NDUFAF6: variants seen among roughly 807,000 people sequenced by gnomAD.
NDUFAF6 encodes the protein NADH:ubiquinone oxidoreductase complex assembly factor 6.
Under a neutral mutation model 40.8 loss-of-function variants are expected in NDUFAF6, and 45 were observed. The observed-to-expected ratio is 1.10, with a 90% CI of 0.87 to 1.42. The LOEUF (loss-of-function observed/expected upper bound fraction) is 1.42, where lower values mean the gene tolerates loss of function less well. NDUFAF6 is among the 40% of genes most tolerant of loss of function. The pLI, the probability that NDUFAF6 is intolerant of heterozygous loss-of-function variation, is 0.00. For synonymous variants in NDUFAF6, 185 were observed against 155.9 expected (o/e 1.19, Z -1.39); for missense variants, 435 against 418.5 (o/e 1.04, Z -0.34).
intron 2 of NDUFAF6, among the ~76,000 whole-genome samples, chr8:94,948,987 C>G (rs1183005674): frequency 6.7e-6 from 1 of 150,054 alleles, no homozygotes; most frequent in East Asian, 2.0e-4. Flanking sequence ...CCGGGCCCGG[C>G]GGCGGCGAGG....
intron 2 of NDUFAF6, among the ~76,000 whole-genome samples, chr8:95,033,155 A>T (rs556973353): frequency 6.6e-6 from 1 of 151,968 alleles, no homozygotes; most frequent in Non-Finnish European, 1.5e-5. Context: ...CAATCCTCCC[A>T]CCTCAGCCTC....
At chr8:95,033,332 C>T (rs184396344) in intron 2 of NDUFAF6, among the ~76,000 whole-genome samples, 47 of 152,318 alleles carry the variant, frequency 3.1e-4, no homozygotes, top group Non-Finnish European at 4.7e-4. Flanking sequence ...GCATAAGCCA[C>T]TGCACCCAGT....
chr8:95,032,824 T>C (rs1374373470), intron 2 of NDUFAF6, among the ~76,000 whole-genome samples: 3 of 152,134 alleles, frequency 2.0e-5, no homozygotes, highest in Non-Finnish European at 2.9e-5. Context: ...AGGATATGAA[T>C]ATGGCACCGA....
chr8:94,963,735 C>G (rs1823786614), intron 1 of NDUFAF6, among the ~76,000 whole-genome samples: 1 of 152,154 alleles, frequency 6.6e-6, no homozygotes, highest in African/African-American at 2.4e-5. Context: ...TTGGCAAATA[C>G]CCATGACAGC....
At chr8:94,948,194 C>T (rs1296913549) in intron 2 of NDUFAF6, among the ~76,000 whole-genome samples, 1 of 152,180 alleles carries the variant, frequency 6.6e-6, no homozygotes, top group Non-Finnish European at 1.5e-5. Context: ...GCAAAACAGA[C>T]TCTCCAGGTA....
intron 2 of NDUFAF6, among the ~76,000 whole-genome samples, chr8:94,982,578 T>TC (rs752721178): frequency 6.6e-6 from 1 of 152,210 alleles, no homozygotes; most frequent in Non-Finnish European, 1.5e-5. Flanking sequence ...GAAACCCAAC[T>TC]CCTATTTCTG....
chr8:95,041,368 G>C (rs1224976105), intron 3 of NDUFAF6, among the ~76,000 whole-genome samples: 1 of 152,174 alleles, frequency 6.6e-6, no homozygotes, highest in Non-Finnish European at 1.5e-5. Flanking sequence ...AGTATTAGAA[G>C]TATAGTCTTA....
In NDUFAF6 at chr8:95,047,127, G is replaced by A; in HGVS notation, c.714G>A (p.Leu238=). 3 of 1,614,136 alleles carry A rather than the reference G, an allele frequency of 1.9e-6. No homozygotes were observed. The highest frequency in any genetic ancestry group is 2.5e-6 in the Non-Finnish European group (3 of 1,180,016). ...TCCTTCCCATGGATATTTGTATGCT[G>A]GTAAGGCTGTAATTTGTACCTTTGA... is the stretch of plus-strand genomic sequence containing the variant. ...KVFLPMDICM[L]HGVSQEDFLR... Residue 238 remains leucine, a splice_region_variant and synonymous_variant, in exon 6 of 9, where the codon CTG becomes CTA. Coordinates refer to ENST00000396124, the MANE Select transcript of NDUFAF6 (RefSeq NM_152416.4).
chr8:95,075,244 C>T (rs1044621424), intron 9 of NDUFAF6, among the ~76,000 whole-genome samples: 2 of 152,166 alleles, frequency 1.3e-5, no homozygotes, highest in Admixed American at 6.5e-5. Context: ...GGACACAAGA[C>T]GTGACAAATG....
intron 2 of NDUFAF6, among the ~76,000 whole-genome samples, chr8:95,010,496 G>T (rs1164332065): frequency 6.6e-6 from 1 of 152,124 alleles, no homozygotes; most frequent in African/African-American, 2.4e-5. Flanking sequence ...GGAATCTATT[G>T]TTCACAAAAG....
At chr8:94,961,880 C>T (rs1005385471) in intron 1 of NDUFAF6, among the ~76,000 whole-genome samples, 5 of 152,220 alleles carry the variant, frequency 3.3e-5, no homozygotes, top group African/African-American at 1.2e-4. Flanking sequence ...TCTCCAGTGT[C>T]AGCTGCATCA....
intron 2 of NDUFAF6, among the ~76,000 whole-genome samples, chr8:94,952,149 G>A (rs1822678492): frequency 6.6e-6 from 1 of 152,158 alleles, no homozygotes; most frequent in African/African-American, 2.4e-5. Flanking sequence ...CTAACAAAAG[G>A]GATTCAACCT....
chr8:95,116,381 C>T (rs1810136921), exon 6 of NDUFAF6: 1 of 151,412 alleles, frequency 6.6e-6, no homozygotes, highest in African/African-American at 2.4e-5. Context: ...GAGATAGGAT[C>T]TTGCTCTGTC....
chr8:95,062,618 G>T (rs115933671), downstream of NDUFAF6, among the ~76,000 whole-genome samples: 649 of 152,228 alleles, frequency 4.3e-3, 3 homozygotes, highest in African/African-American at 0.015. Context: ...GTGACCAATT[G>T]GTTCAGGAAA....
chr8:95,076,904 G>C (rs1808646745), downstream of NDUFAF6, among the ~76,000 whole-genome samples: 1 of 150,912 alleles, frequency 6.6e-6, no homozygotes, highest in Admixed American at 6.6e-5. Flanking sequence ...CATAGCACCT[G>C]GTTTTTGCCT....
chr8:95,104,623 A>G (rs191283716), downstream of NDUFAF6, among the ~76,000 whole-genome samples: 4 of 152,330 alleles, frequency 2.6e-5, no homozygotes, highest in South Asian at 2.1e-4. Flanking sequence ...AGCAAAGGCC[A>G]TTATAACTGC....
At chr8:94,927,945 A>G (rs1820044885) in intron 1 of NDUFAF6, 1 of 152,038 alleles carries the variant, frequency 6.6e-6, no homozygotes, top group African/African-American at 2.4e-5. Flanking sequence ...CATTTTGGCC[A>G]TGTTTCAGAG....
At chr8:95,004,269 C>T (rs1330399411) in intron 2 of NDUFAF6, among the ~76,000 whole-genome samples, 6 of 151,746 alleles carry the variant, frequency 4.0e-5, no homozygotes, top group African/African-American at 7.3e-5. Context: ...GTCTCCAGCT[C>T]GCTATGGGCT....
upstream of NDUFAF6, among the ~76,000 whole-genome samples, chr8:95,099,330 T>G (rs1425543291): frequency 6.9e-6 from 1 of 145,936 alleles, no homozygotes; most frequent in Non-Finnish European, 1.5e-5. Flanking sequence ...CTCTCAGGCT[T>G]CCAGCTGGAA....
Sources: allele counts gnomAD v4.1 joint callset (sites outside exome capture counted in the v4.1 genomes callset), GRCh38; gene constraint gnomAD v4.1.1; transcripts MANE v1.5; gene names NCBI Gene and HGNC (gene_info 2026-07-23, HGNC 2026-07-21).